MGST1: variants seen among roughly 807,000 people sequenced by gnomAD.
MGST1 encodes microsomal glutathione S-transferase 1.
A neutral mutation model predicts 8.9 loss-of-function variants in MGST1; 5 were observed. The observed-to-expected ratio is 0.56, with a 90% CI of 0.29 to 1.19. The LOEUF (loss-of-function observed/expected upper bound fraction) is 1.19, where lower values mean the gene tolerates loss of function less well. MGST1 is among the 50% of genes most tolerant of loss of function. MGST1 has a pLI of 0.08. For synonymous variants in MGST1, 54 were observed against 67.8 expected, an observed-to-expected ratio of 0.80 and a Z score of 1.00; for missense variants, 182 against 187.4, an observed-to-expected ratio of 0.97 and a Z score of 0.17.
At chr12:16,394,933 T>A (rs9804826) in intron 1 of MGST1, among the ~76,000 whole-genome samples, 24,384 of 151,976 alleles carry the variant, frequency 0.16, 2,285 homozygotes, top group East Asian at 0.43. Flanking sequence ...TAGTTTTTTT[T>A]ATATACTGAA....
intron 4 of MGST1, among the ~76,000 whole-genome samples, chr12:16,462,707 T>C (rs1028533743): frequency 9.9e-5 from 15 of 152,202 alleles, no homozygotes; most frequent in African/African-American, 3.4e-4. Context: ...TTGATCTTCA[T>C]TTAGTGGCAG....
intron 4 of MGST1, among the ~76,000 whole-genome samples, chr12:16,454,567 A>G (rs939707501): frequency 6.6e-6 from 1 of 151,868 alleles, no homozygotes; most frequent in Non-Finnish European, 1.5e-5. Flanking sequence ...CCCGATAATA[A>G]GTTACATAGC....
chr12:16,398,026 C>T (rs1244058584), intron 1 of MGST1, among the ~76,000 whole-genome samples: 1 of 151,534 alleles, frequency 6.6e-6, no homozygotes, highest in East Asian at 1.9e-4. Context: ...TACATGTGCA[C>T]TGACATCTTT....
At chr12:16,394,412 T>G (rs1565446327) in intron 1 of MGST1, among the ~76,000 whole-genome samples, 1 of 151,616 alleles carries the variant, frequency 6.6e-6, no homozygotes, top group Non-Finnish European at 1.5e-5. Flanking sequence ...CTTTCTTTCT[T>G]TCTCACTCTC....
intron 4 of MGST1, among the ~76,000 whole-genome samples, chr12:16,540,293 G>T (rs377719806): frequency 3.5e-4 from 53 of 152,180 alleles, no homozygotes; most frequent in African/African-American, 1.2e-3. Context: ...ATTTTTTAGA[G>T]CCAGGGTCTT....
chr12:16,522,650 AC>A, intron 4 of MGST1, among the ~76,000 whole-genome samples: 1 of 151,958 alleles, frequency 6.6e-6, no homozygotes, highest in East Asian at 1.9e-4. Flanking sequence ...CTCATAATTA[AC>A]CCCTTCATAA....
chr12:16,581,293 A>G (rs937714167), intron 4 of MGST1, among the ~76,000 whole-genome samples: 2 of 152,146 alleles, frequency 1.3e-5, no homozygotes, highest in Non-Finnish European at 2.9e-5. Flanking sequence ...TCCTAGCTCC[A>G]TCACTTGCAC....
At chr12:16,504,189 T>C (rs1006211383) in intron 4 of MGST1, among the ~76,000 whole-genome samples, 1 of 146,396 alleles carries the variant, frequency 6.8e-6, no homozygotes, top group African/African-American at 2.4e-5. Context: ...AAATAAACAC[T>C]ACAACCACAA....
chr12:16,529,838 A>C (rs2137199019), intron 4 of MGST1, among the ~76,000 whole-genome samples: 1 of 152,248 alleles, frequency 6.6e-6, no homozygotes, highest in Middle Eastern at 3.4e-3. Context: ...CAAAACTCAA[A>C]GTGTGAAACC....
intron 4 of MGST1, among the ~76,000 whole-genome samples, chr12:16,508,019 T>TGTGTGTATGCACAG (rs1043428475): frequency 6.6e-6 from 1 of 152,154 alleles, no homozygotes; most frequent in Non-Finnish European, 1.5e-5. Context: ...TTTTCATATG[T>TGTGTGTATGCACAG]GTGTGTATGC....
intron 3 of MGST1, among the ~76,000 whole-genome samples, chr12:16,373,303 T>C (rs1940327289): frequency 6.6e-6 from 1 of 151,574 alleles, no homozygotes; most frequent in Non-Finnish European, 1.5e-5. Flanking sequence ...AGTTTGAGAA[T>C]ATGGTTGGAT....
rs574799529 is a variant in MGST1 at position 16,459,847 on chromosome 12, C to G, written n.482+76243C>G. Reference sequence around the variant, plus strand: ...GTATGGCCTGGATTGCATGTCTCTCCTTATGGGAAAGTCTCCCGTGGCGGT... The same window carrying G: ...GTATGGCCTGGATTGCATGTCTCTCGTTATGGGAAAGTCTCCCGTGGCGGT... On this transcript the variant is annotated intron_variant and non_coding_transcript_variant, in intron 4 of 4. Transcript: ENST00000538857. 5.3e-5 allele frequency among the ~76,000 whole-genome samples: 8 copies of G among 152,178 alleles called. No individual in the cohort carries two copies. The South Asian group carries it at 1.7e-3, about 32-fold the overall frequency.
intron 2 of MGST1, among the ~76,000 whole-genome samples, chr12:16,356,771 A>C (rs1449252370): frequency 6.6e-6 from 1 of 152,216 alleles, no homozygotes; most frequent in African/African-American, 2.4e-5. Context: ...TCTTCAACCC[A>C]AAGTTTTATC....
intron 1 of MGST1, among the ~76,000 whole-genome samples, chr12:16,434,442 TTG>T (rs34340683): frequency 6.7e-5 from 10 of 150,270 alleles, no homozygotes; most frequent in South Asian, 4.2e-4. Flanking sequence ...TTTATTTCAG[TTG>T]TGTGTGTGTG....
chr12:16,453,831 G>T (rs1041559396), intron 4 of MGST1, among the ~76,000 whole-genome samples: 2 of 151,712 alleles, frequency 1.3e-5, no homozygotes, highest in African/African-American at 4.8e-5. Flanking sequence ...TCCTTATAAG[G>T]ACATCAGTCA....
In MGST1 at chr12:16,401,489, G is replaced by A; in HGVS notation, n.778+17885G>A. 1.2e-6 allele frequency: 1 copy of A among 841,934 alleles called. No homozygotes were observed. The highest frequency in any genetic ancestry group is 1.8e-5 in the Admixed American group (1 of 54,482). 52.2% of individuals were successfully genotyped at this position (841,934 alleles called of 1,614,324 possible). On this transcript the variant is annotated intron_variant and non_coding_transcript_variant, in intron 1 of 1. Coordinates refer to the MGST1 transcript ENST00000359720. The surrounding 1 kb of genome is among the most constrained non-coding windows in gnomAD (Gnocchi z 4.3). ...ACACCATGTCTTAATTCCTTCAGCA[G>A]CTCTTCTTGAAGCTGGAGTAAAAAG... is the stretch of plus-strand genomic sequence containing the variant.
At position 16,548,187 on chromosome 12, in the gene MGST1, G is replaced by T. The variant is rs1372642205; in HGVS notation, n.483-41341G>T. 6.6e-6 allele frequency among the ~76,000 whole-genome samples: 1 copy of T among 152,114 alleles called. No individual in the cohort carries two copies. The highest frequency in any genetic ancestry group is 1.9e-4 in the East Asian group (1 of 5,190). On this transcript the variant is annotated intron_variant and non_coding_transcript_variant, in intron 4 of 4. Transcript: ENST00000538857. The surrounding 1 kb of genome is among the most constrained non-coding windows in gnomAD (Gnocchi z 4.2). ...ATTTTCCCCATAAAAATAAATAGCGGTAAACGACCTAGCGCAGAGATCCTA... is the reference window on the plus strand; with the variant it reads ...ATTTTCCCCATAAAAATAAATAGCGTTAAACGACCTAGCGCAGAGATCCTA...
chr12:16,505,377 C>T (rs1458858005), intron 4 of MGST1, among the ~76,000 whole-genome samples: 1 of 152,198 alleles, frequency 6.6e-6, no homozygotes, highest in Admixed American at 6.5e-5. Context: ...ACATGTCTAG[C>T]TGAATATCCT....
At chr12:16,590,194 T>A (rs1943446755), downstream of MGST1, among the ~76,000 whole-genome samples, 1 of 152,074 alleles carries the variant, frequency 6.6e-6, no homozygotes, top group African/African-American at 2.4e-5. Flanking sequence ...ATATTTAACT[T>A]TTGGCTTTGA....
Sources: allele counts gnomAD v4.1 joint callset (sites outside exome capture counted in the v4.1 genomes callset), GRCh38; gene constraint gnomAD v4.1.1; non-coding constraint Gnocchi (gnomAD v3.1); transcripts MANE v1.5; gene names NCBI Gene and HGNC (gene_info 2026-07-23, HGNC 2026-07-21).